NLGN4X: variants seen among roughly 807,000 people sequenced by gnomAD.
NLGN4X encodes neuroligin 4 X-linked, also known as neuroligin-4, X-linked.
Under a neutral mutation model 40.3 loss-of-function variants are expected in NLGN4X, and 3 were observed. The observed-to-expected ratio is 0.07, with a 90% CI of 0.03 to 0.19. NLGN4X has a LOEUF of 0.19. Among genes scored for constraint, NLGN4X ranks in the 10% least tolerant of loss-of-function variants. The pLI is 1.00. For synonymous variants in NLGN4X, 270 were observed against 306.8 expected (o/e 0.88, Z 1.25); for missense variants, 382 against 708.3 (o/e 0.54, Z 5.23).
chrX:5,975,482 G>A (rs1423706785), intron 3 of NLGN4X, among the ~76,000 whole-genome samples: 1 of 109,321 alleles, frequency 9.1e-6, no homozygotes, highest in East Asian at 2.9e-4. Flanking sequence ...GCATAGTGGT[G>A]GGTGCCTGTA....
At chrX:6,114,701 C>T (rs2039237472) in intron 2 of NLGN4X, among the ~76,000 whole-genome samples, 1 of 111,377 alleles carries the variant, frequency 9.0e-6, no homozygotes, top group Admixed American at 9.6e-5. Flanking sequence ...TACATACAAT[C>T]ATTAAAAAGA....
rs749649054 is a variant in NLGN4X at position 6,042,685 on chromosome X, T to TTA, written c.473-13255_473-13254dup. On this transcript the variant is annotated intron_variant, in intron 2 of 5. Coordinates refer to ENST00000381095, the MANE Select transcript of NLGN4X (RefSeq NM_181332.3). ...AAAACCTAACATACCCATAGAGGTTTTATATATATATATATATATATATAT... is the reference window on the plus strand; with the variant it reads ...AAAACCTAACATACCCATAGAGGTTTTATATATATATATATATATATATATAT... 3.0e-3 allele frequency among the ~76,000 whole-genome samples: 84 copies of TTA among 28,381 alleles called. 2 individuals are homozygous for TTA. The highest frequency in any genetic ancestry group is 0.011 in the South Asian group (3 of 284). The allele number at this position is 28,381 out of a possible 115,157, so 24.6% of individuals were successfully genotyped here.
chrX:5,992,095 C>T lies in NLGN4X; in HGVS notation c.625+37185G>A, dbSNP rs1354990535. On this transcript the variant is annotated intron_variant, in intron 3 of 5. Coordinates refer to ENST00000381095, the MANE Select transcript of NLGN4X (RefSeq NM_181332.3). ...GGAGGGTTTACTCTTGGTAAGGCAC[C>T]CCTCTTAACTCCATTTATACCTATA... 3.6e-5 allele frequency among the ~76,000 whole-genome samples: 4 copies of T among 111,422 alleles called. No homozygotes were observed. The East Asian group carries it at 1.1e-3, about 31-fold the overall frequency.
intron 3 of NLGN4X, among the ~76,000 whole-genome samples, chrX:5,979,782 A>ATG (rs1233130521): frequency 1.9e-5 from 2 of 105,283 alleles, no homozygotes; most frequent in Admixed American, 2.1e-4. Flanking sequence ...ATACATATAT[A>ATG]TGTGTATATA....
At chrX:6,038,547 C>T (rs2037078543) in intron 2 of NLGN4X, among the ~76,000 whole-genome samples, 1 of 112,962 alleles carries the variant, frequency 8.9e-6, no homozygotes, top group Admixed American at 9.3e-5. Context: ...TGTATATGCA[C>T]CTTGAAAAAT....
Position 6,046,972 on chromosome X carries a change from A to G in NLGN4X, c.473-17540T>C, listed in dbSNP as rs749036586. Among the ~76,000 whole-genome samples the G allele has an allele frequency of 2.1e-4, 23 of 108,266 alleles. No individual in the cohort carries two copies. In the South Asian group the frequency reaches 8.7e-3, roughly 41 times the overall value. The allele number at this position is 108,266 out of a possible 115,157, so 94.0% of individuals were successfully genotyped here. A position where few individuals can be genotyped will look rare whatever the true frequency, so the allele number is the denominator to read the frequency against. ...TTATATACTAATGCTTACATTATATATAAATATATAATTATACATACATTA... is the reference window on the plus strand; with the variant it reads ...TTATATACTAATGCTTACATTATATGTAAATATATAATTATACATACATTA... On this transcript the variant is annotated intron_variant, in intron 2 of 5. Transcript: ENST00000381095.
At chrX:6,187,744 C>T (rs931150006) in intron 1 of NLGN4X, 1 of 112,037 alleles carries the variant, frequency 8.9e-6, no homozygotes, top group African/African-American at 3.2e-5. Context: ...TTTTCTCTAG[C>T]AGATGTCATG....
At chrX:5,957,210 C>T (rs996340730) in intron 3 of NLGN4X, among the ~76,000 whole-genome samples, 2 of 111,697 alleles carry the variant, frequency 1.8e-5, no homozygotes, top group East Asian at 5.6e-4. Flanking sequence ...ACCTGCATTA[C>T]GTGCAAATAG....
intron 3 of NLGN4X, among the ~76,000 whole-genome samples, chrX:5,991,021 A>T (rs1232927153): frequency 8.9e-6 from 1 of 111,784 alleles, no homozygotes; most frequent in Non-Finnish European, 1.9e-5. Context: ...CAAGAAATGC[A>T]ACCTTATTTG....
intron 1 of NLGN4X, among the ~76,000 whole-genome samples, chrX:6,188,191 C>T (rs1922244074): frequency 8.9e-6 from 1 of 112,070 alleles, no homozygotes; most frequent in Admixed American, 9.5e-5. Flanking sequence ...GATAATTGTA[C>T]ACTTTTTAAA....
At chrX:5,981,920 A>G (rs1390482582) in intron 3 of NLGN4X, among the ~76,000 whole-genome samples, 1 of 111,821 alleles carries the variant, frequency 8.9e-6, no homozygotes, top group Non-Finnish European at 1.9e-5. Context: ...TCCATCATCA[A>G]TCTTTAAGTT....
In NLGN4X at chrX:6,052,192, C is replaced by T. The variant is rs574541041; in HGVS notation, c.473-22760G>A. The stretch of plus-strand genomic sequence containing the variant: ...CATGAGCCTCCCGAGAGTCATGCTG[C>T]CCAGCCGACACCTTGATAGCATCTC... On this transcript the variant is annotated intron_variant, in intron 2 of 5. Coordinates refer to ENST00000381095, the MANE Select transcript of NLGN4X (RefSeq NM_181332.3). Among the ~76,000 whole-genome samples, 3 of 110,845 alleles carry T rather than the reference C, an allele frequency of 2.7e-5. 1 individual carries two copies. The Admixed American group carries it at 2.9e-4, about 11-fold the overall frequency.
At chrX:5,971,665 C>T (rs2035022838) in intron 3 of NLGN4X, among the ~76,000 whole-genome samples, 1 of 111,922 alleles carries the variant, frequency 8.9e-6, no homozygotes, top group South Asian at 3.7e-4. Context: ...TGACACATTT[C>T]TTTAATGAAT....
At chrX:6,098,473 C>T (rs1307687188) in intron 2 of NLGN4X, among the ~76,000 whole-genome samples, 2 of 111,237 alleles carry the variant, frequency 1.8e-5, no homozygotes, top group Non-Finnish European at 3.8e-5. Flanking sequence ...TTTGTGTCTC[C>T]AAGGTAAACC....
chrX:5,997,443 A>T (rs1257724683), intron 3 of NLGN4X, among the ~76,000 whole-genome samples: 2 of 103,309 alleles, frequency 1.9e-5, no homozygotes, highest in East Asian at 3.0e-4. Flanking sequence ...GTTACAAATT[A>T]AAAAAAAAAC....
chrX:6,101,860 A>C (rs2038915877), intron 2 of NLGN4X, among the ~76,000 whole-genome samples: 1 of 106,128 alleles, frequency 9.4e-6, no homozygotes, highest in South Asian at 4.3e-4. Flanking sequence ...CCCAGGCTGG[A>C]GTGCAGTGGC....
Position 6,049,737 on chromosome X carries a change from GGGGGGC to G in NLGN4X, c.473-20311_473-20306del, listed in dbSNP as rs201189923. On this transcript the variant is annotated intron_variant, in intron 2 of 5. Coordinates refer to ENST00000381095, the MANE Select transcript of NLGN4X (RefSeq NM_181332.3). ...ACAAAAGGAAAAATAAAATGGGGGG[GGGGGGC>G]GGTCACAAAATACCTTAAAGAGCTA... Among the ~76,000 whole-genome samples, 406 of 30,209 alleles carry G rather than the reference GGGGGGC, an allele frequency of 0.013. 9 individuals carry two copies. The South Asian group carries it at 0.14, about 11-fold the overall frequency. The allele number at this position is 30,209 out of a possible 115,157, so 26.2% of individuals were successfully genotyped here. A position where few individuals can be genotyped will look rare whatever the true frequency, so the allele number is the denominator to read the frequency against.
chrX:6,041,591 T>C (rs1234684678), intron 2 of NLGN4X, among the ~76,000 whole-genome samples: 2 of 112,233 alleles, frequency 1.8e-5, no homozygotes, highest in Non-Finnish European at 3.8e-5. Context: ...GGTTCCTCAA[T>C]TATTCACTGT....
intron 5 of NLGN4X, among the ~76,000 whole-genome samples, chrX:5,898,606 G>A (rs73450227): frequency 0.015 from 1,647 of 110,673 alleles, 30 homozygotes; most frequent in African/African-American, 0.051. Flanking sequence ...TTGACTTAAC[G>A]CCCACTGAGA....
Sources: allele counts gnomAD v4.1 joint callset (sites outside exome capture counted in the v4.1 genomes callset), GRCh38; gene constraint gnomAD v4.1.1; transcripts MANE v1.5; gene names NCBI Gene and HGNC (gene_info 2026-07-23, HGNC 2026-07-21).